Variants in CACNA1E observed in about 807,000 individuals in gnomAD.
The protein encoded by CACNA1E is calcium voltage-gated channel subunit alpha1 E, also known as voltage-dependent R-type calcium channel subunit alpha-1E.
A neutral mutation model predicts 259.2 loss-of-function variants in CACNA1E; 40 were observed. That is an observed-to-expected ratio of 0.15 (90% confidence interval 0.12 to 0.20). The LOEUF is 0.20. Ranked by LOEUF, CACNA1E falls within the 10% of genes least tolerant of loss-of-function variation. The pLI is 1.00. For missense variants in CACNA1E, 1,874 were observed against 3,040.1 expected (o/e 0.62, Z 9.02); for synonymous variants, 1,104 against 1,138.5 (o/e 0.97, Z 0.61).
intron 1 of CACNA1E, among the ~76,000 whole-genome samples, chr1:181,407,233 C>T (rs1657528558): frequency 6.6e-6 from 1 of 152,018 alleles, no homozygotes; most frequent in Non-Finnish European, 1.5e-5. Flanking sequence ...AAACTGATGC[C>T]AGTCCAGGGG....
chr1:181,775,999 G>A (rs1004162771), intron 37 of CACNA1E, 102 bp from the exon 38 acceptor site: 32 of 1,107,936 alleles, frequency 2.9e-5, no homozygotes, highest in Admixed American at 2.1e-4. Flanking sequence ...GTTCTGGCTC[G>A]TTTGCTAAAA....
intron 3 of CACNA1E, among the ~76,000 whole-genome samples, chr1:181,548,209 C>G (rs901030118): frequency 6.6e-6 from 1 of 151,112 alleles, no homozygotes; most frequent in African/African-American, 2.4e-5. Flanking sequence ...ACCGCAACCT[C>G]TGCCTCCCGG....
chr1:181,750,571 C>A, intron 26 of CACNA1E, 84 bp downstream of exon 26: 1 of 1,264,070 alleles, frequency 7.9e-7, no homozygotes. Flanking sequence ...AGGGGAGGGG[C>A]TCACGCACTG....
At chr1:181,571,633 C>T (rs1188905923) in intron 3 of CACNA1E, among the ~76,000 whole-genome samples, 3 of 152,214 alleles carry the variant, frequency 2.0e-5, no homozygotes, top group African/African-American at 4.8e-5. Context: ...CCCTTGCTGC[C>T]TCCTCATGGC....
intron 6 of CACNA1E, among the ~76,000 whole-genome samples, chr1:181,644,633 A>G (rs1287852525): frequency 6.6e-6 from 1 of 152,170 alleles, no homozygotes; most frequent in Non-Finnish European, 1.5e-5. Context: ...AATGCCTTAA[A>G]TCAAATTCCC....
chr1:181,586,176 C>T (rs185613024), intron 6 of CACNA1E, among the ~76,000 whole-genome samples: 7 of 152,246 alleles, frequency 4.6e-5, no homozygotes, highest in Admixed American at 3.3e-4. Flanking sequence ...TGGGAGAAAG[C>T]AGCAAGAAGA....
chr1:181,341,794 A>AT (rs1320915011), intron 1 of CACNA1E, among the ~76,000 whole-genome samples: 1 of 152,150 alleles, frequency 6.6e-6, no homozygotes, highest in East Asian at 1.9e-4. Flanking sequence ...TTACATGGCT[A>AT]TTTTTCCTGG....
intron 3 of CACNA1E, among the ~76,000 whole-genome samples, chr1:181,528,927 G>A (rs573029253): frequency 1.8e-4 from 28 of 152,312 alleles, no homozygotes; most frequent in African/African-American, 6.3e-4. Context: ...CATTTTTTGA[G>A]GAGAAATTCA....
At chr1:181,775,750 A>G (rs1659917050) in intron 37 of CACNA1E, among the ~76,000 whole-genome samples, 1 of 152,248 alleles carries the variant, frequency 6.6e-6, no homozygotes, top group Admixed American at 6.5e-5. Flanking sequence ...CTTAACCAGA[A>G]CCATCGTGTT....
At position 181,755,245 on chromosome 1, in the gene CACNA1E, C is replaced by T. The variant is rs41315709; in HGVS notation, c.3837C>T (p.Phe1279=). Residue 1279 remains phenylalanine (F), a synonymous_variant, in exon 28 of 48, where the codon TTC becomes TTT. Coordinates refer to ENST00000367573, the MANE Select transcript of CACNA1E (RefSeq NM_001205293.3). ...GTTTGCTCTGTCCACAGGCCGTCTT[C>T]GACTGCGTAGTGACCTCCTTGAAGA... ...IKRLPKLKAV[F]DCVVTSLKNV... The T allele has an allele frequency of 1.1e-3, 1,746 of 1,613,592 alleles. 2 individuals carry two copies. The highest frequency in any genetic ancestry group is 1.3e-3 in the Non-Finnish European group (1,589 of 1,179,642).
chr1:181,647,474 T>C (rs1658380825), intron 6 of CACNA1E, among the ~76,000 whole-genome samples: 1 of 152,146 alleles, frequency 6.6e-6, no homozygotes. Context: ...CCCTCCTCTC[T>C]TGCACCTCCT....
chr1:181,616,331 G>GT (rs1220706372), intron 6 of CACNA1E, among the ~76,000 whole-genome samples: 1 of 121,400 alleles, frequency 8.2e-6, no homozygotes, highest in African/African-American at 2.5e-5. Flanking sequence ...TTGTTTGTTT[G>GT]TTTGTTTTGT....
At chr1:181,728,772 C>G (rs1046349278) in intron 18 of CACNA1E, among the ~76,000 whole-genome samples, 1 of 148,378 alleles carries the variant, frequency 6.7e-6, no homozygotes. Context: ...GTGTGTGTGC[C>G]CTGCTCAGCT....
intron 1 of CACNA1E, among the ~76,000 whole-genome samples, chr1:181,491,212 A>T (rs993619340): frequency 6.6e-6 from 1 of 152,196 alleles, no homozygotes; most frequent in African/African-American, 2.4e-5. Context: ...CTTTCAGCAG[A>T]TGATTTCCAT....
At chr1:181,687,121 T>C (rs1650659090) in intron 7 of CACNA1E, among the ~76,000 whole-genome samples, 1 of 152,036 alleles carries the variant, frequency 6.6e-6, no homozygotes, top group Non-Finnish European at 1.5e-5. Flanking sequence ...AAGGACTTCA[T>C]TTGAAGGGAG....
chr1:181,755,384 G>A lies in CACNA1E; in HGVS notation c.3976G>A (p.Glu1326Lys), dbSNP rs1657998527. 6.2e-7 allele frequency: 1 copy of A among 1,613,694 alleles called. No individual in the cohort carries two copies. Among genetic ancestry groups the A allele is most frequent in the South Asian group, 1.1e-5 (1 of 91,058 alleles). Residue 1326 changes from glutamate (E) to lysine (K), a missense_variant, in exon 28 of 48, where the codon GAG (glutamate) becomes AAG (lysine). Glu to Lys is a moderately conservative substitution (Grantham distance 56). This residue lies in a region of CACNA1E where 188 missense variants were observed against 540.6 expected (regional missense o/e 0.35). Transcript: ENST00000367573. Reference protein sequence around the residue: ...FYCTDSSKDTEKECIGNYVDH... With the variant: ...FYCTDSSKDTKKECIGNYVDH... ...TTGCACGGACAGTTCCAAGGACACA[G>A]AGAAGGAGTGCATGTAAGTGCCACC...
chr1:181,792,208 T>G (rs951609876), intron 44 of CACNA1E, among the ~76,000 whole-genome samples: 3 of 152,150 alleles, frequency 2.0e-5, no homozygotes. Flanking sequence ...TAATGTGTCC[T>G]TTCTTTCACA....
intron 19 of CACNA1E, 123 bp downstream of exon 19, chr1:181,731,354 G>T: frequency 1.3e-6 from 1 of 744,194 alleles, no homozygotes. Context: ...CTTGGTGTGT[G>T]TGTGTGTGTT....
chr1:181,437,152 G>C (rs1660147970), intron 2 of CACNA1E, among the ~76,000 whole-genome samples: 1 of 152,078 alleles, frequency 6.6e-6, no homozygotes, highest in South Asian at 2.1e-4. Context: ...GGTCACCCTG[G>C]AGCCCATGCA....
Sources: allele counts gnomAD v4.1 joint callset (sites outside exome capture counted in the v4.1 genomes callset), GRCh38; gene constraint gnomAD v4.1.1; regional missense constraint gnomAD v4.1.1; transcripts MANE v1.5; gene names NCBI Gene and HGNC (gene_info 2026-07-23, HGNC 2026-07-21).